Variants in NUMA1 observed in about 807,000 individuals in gnomAD.
NUMA1 encodes the protein SP-H antigen.
In NUMA1, 62 loss-of-function variants were observed where a neutral mutation model predicts 237.1. That is an observed-to-expected ratio of 0.26 (90% CI 0.21 to 0.32). The LOEUF (loss-of-function observed/expected upper bound fraction) is 0.32. NUMA1 is among the 10% of genes least tolerant of loss of function. The pLI is 1.00. For missense variants in NUMA1, 2,533 were observed against 2,666.5 expected, an observed-to-expected ratio of 0.95 and a Z score of 1.10; for synonymous variants, 1,028 against 1,066.1, an observed-to-expected ratio of 0.96 and a Z score of 0.70.
intron 2 of NUMA1, among the ~76,000 whole-genome samples, chr11:72,043,133 T>C (rs1024306565): frequency 6.6e-6 from 1 of 151,448 alleles, no homozygotes; most frequent in Non-Finnish European, 1.5e-5. Flanking sequence ...GGGAGGAAAG[T>C]ATGAGGGATG....
chr11:72,043,507 G>A (rs1444845910), intron 2 of NUMA1, among the ~76,000 whole-genome samples: 2 of 148,164 alleles, frequency 1.3e-5, no homozygotes, highest in East Asian at 4.0e-4. Flanking sequence ...GAGTACAGGT[G>A]TGTGCCACCA....
intron 3 of NUMA1, among the ~76,000 whole-genome samples, chr11:72,033,906 G>A (rs1260923357): frequency 6.6e-6 from 1 of 151,942 alleles, no homozygotes; most frequent in Non-Finnish European, 1.5e-5. Flanking sequence ...TAAAATTGAG[G>A]TCAGAAGTTT....
Position 72,015,415 on chromosome 11 carries a change from C to T in NUMA1, c.2088G>A (p.Glu696=), listed in dbSNP as rs751948819. Residue 696 remains glutamate, a synonymous_variant, in exon 15 of 27, where the codon GAG becomes GAA. Transcript: ENST00000393695. The surrounding 1 kb of genome is among the most constrained non-coding windows in gnomAD (Gnocchi z 4.0). ...GGAGCTGCTCCTGGAGCTGGTCCTT[C>T]TCCTGGGCCACCCTTTCTTTCTCAG... is the stretch of plus-strand genomic sequence containing the variant. ...KATEKERVAQ[E]KDQLQEQLQA... is the part of the protein sequence containing the mutation. 51 of 1,611,780 alleles carry T rather than the reference C, an allele frequency of 3.2e-5. No individual in the cohort carries two copies. The South Asian group carries it at 5.2e-4, about 16-fold the overall frequency.
rs763587453 is a variant in NUMA1 at position 72,022,396 on chromosome 11, G to A, written c.315C>T (p.His105=). Reference sequence around the variant, plus strand: ...TGGGACTTTTGGAGCTCATGGTAGAGTGGTATAAGAGCAGCATGGTCATCT... The same window carrying A: ...TGGGACTTTTGGAGCTCATGGTAGAATGGTATAAGAGCAGCATGGTCATCT... ...LAKMTMLLLY[H]STMSSKSPRD... is the part of the protein sequence containing the mutation. The change falls in exon 7 of 27, where the codon CAC becomes CAT. Residue 105 remains histidine, a synonymous_variant. Coordinates refer to ENST00000393695, the MANE Select transcript of NUMA1 (RefSeq NM_006185.4). 8.1e-6 allele frequency: 13 copies of A among 1,613,638 alleles called. No individual in the cohort carries two copies. Among genetic ancestry groups the A allele is most frequent in the Non-Finnish European group, 1.0e-5 (12 of 1,179,722 alleles).
intron 1 of NUMA1, among the ~76,000 whole-genome samples, chr11:72,073,946 C>T (rs1943583608): frequency 6.6e-6 from 1 of 151,996 alleles, no homozygotes; most frequent in African/African-American, 2.4e-5. Flanking sequence ...AATCCCAGCA[C>T]TTTGGGAGGC....
intron 23 of NUMA1, 61 bp from the exon 24 acceptor site, chr11:72,004,877 G>A: frequency 1.4e-6 from 2 of 1,473,542 alleles, no homozygotes; most frequent in South Asian, 1.4e-5. Flanking sequence ...GGAGGACCTG[G>A]GGCTGTCCCA....
At chr11:72,074,985 G>A (rs988029965) in intron 1 of NUMA1, among the ~76,000 whole-genome samples, 2 of 152,090 alleles carry the variant, frequency 1.3e-5, no homozygotes, top group Admixed American at 6.5e-5. Flanking sequence ...AGTGAGCCAA[G>A]ACTGTGCAAT....
At chr11:72,035,631 G>T (rs528786936) in intron 3 of NUMA1, among the ~76,000 whole-genome samples, 1 of 152,004 alleles carries the variant, frequency 6.6e-6, no homozygotes, top group African/African-American at 2.4e-5. Flanking sequence ...GGCTGGTCTC[G>T]AACTCCTGAC....
intron 20 of NUMA1, 180 bp from the exon 21 acceptor site, chr11:72,007,615 C>T (rs1955831120): frequency 2.7e-6 from 2 of 727,718 alleles, no homozygotes; most frequent in South Asian, 1.6e-5. Context: ...TTTCAGTCCA[C>T]TCCCCTGGCT....
rs1955807673 is a variant in NUMA1 at position 72,007,398 on chromosome 11, G to A, written c.5254C>T (p.Pro1752Ser). The change falls in exon 21 of 27, where the codon CCT becomes TCT. Residue 1752 changes from proline to serine, a missense_variant. Physicochemically the swap from Pro to Ser is moderately conservative, Grantham distance 74 (BLOSUM62 -1). Around this residue, in one of 3 missense-constraint regions of NUMA1, gnomAD observed 795 missense variants for 750.8 expected, o/e 1.06. Transcript: ENST00000393695. ...PRTQPDGTSV[P>S]GEPASPISQR... ...GAGATAGGTGAGGCTGGTTCTCCAG[G>A]GACGCTGGTGCCGTCTGGCTGGGTA... is the stretch of plus-strand genomic sequence containing the variant. The A allele has an allele frequency of 6.2e-7, 1 of 1,613,820 alleles. No individual in the cohort carries two copies.
At chr11:72,008,226 C>CT in intron 20 of NUMA1, 1 of 425,968 alleles carries the variant, frequency 2.3e-6, no homozygotes, top group Non-Finnish European at 4.6e-6. Context: ...TTAGAATAAT[C>CT]TTTTTAAGAT....
intron 2 of NUMA1, chr11:72,040,697 A>C (rs1326870196): frequency 1.3e-5 from 2 of 152,228 alleles, no homozygotes; most frequent in Non-Finnish European, 2.9e-5. Flanking sequence ...CTGAACAAAA[A>C]CATGCTGACA....
At chr11:72,030,879 C>T (rs1176381462) in intron 3 of NUMA1, among the ~76,000 whole-genome samples, 1 of 152,216 alleles carries the variant, frequency 6.6e-6, no homozygotes, top group African/African-American at 2.4e-5. Context: ...TTGTTACAAA[C>T]TTTATTTCTC....
In NUMA1 at chr11:72,013,132, C is replaced by T. The variant is rs1216615438; in HGVS notation, c.4371G>A (p.Arg1457=). The change falls in exon 15 of 27, where the codon CGG becomes CGA. Residue 1457 remains arginine, a synonymous_variant. Transcript: ENST00000393695. This position sits in a 1 kb window ranked among gnomAD's most constrained non-coding sequence, Gnocchi z 6.8. ...CCAGAAACTGCCGGCCAAGGTTGGC[C>T]CGCTCACCCAGCCCCCGGTTCTCCT... ...LAEENRGLGE[R]ANLGRQFLEV... is the part of the protein sequence containing the mutation. 6.2e-7 allele frequency: 1 copy of T among 1,614,186 alleles called. No individual in the cohort carries two copies. The highest frequency in any genetic ancestry group is 1.7e-5 in the Admixed American group (1 of 60,028).
chr11:72,005,591 C>T (rs991987004), intron 22 of NUMA1: 10 of 551,000 alleles, frequency 1.8e-5, no homozygotes, highest in South Asian at 1.0e-4. Flanking sequence ...AGAGGTCACA[C>T]GCAGAGACTG....
At chr11:72,055,395 G>A (rs1018971839) in intron 2 of NUMA1, among the ~76,000 whole-genome samples, 2 of 152,086 alleles carry the variant, frequency 1.3e-5, no homozygotes, top group African/African-American at 4.8e-5. Context: ...ACCGGGCCAC[G>A]ATGTAACCAC....
chr11:72,013,327 A>C lies in NUMA1; in HGVS notation c.4176T>G (p.Ala1392=). ...REELEQSKQA[A]GGLRAELLRA... ...GCAGCAGCTCTGCCCGCAGTCCCCC[A>C]GCGGCCTGCTTGCTCTGCTCCAGCT... The change falls in exon 15 of 27, where the codon GCT becomes GCG. Residue 1392 remains alanine, a synonymous_variant. Transcript: ENST00000393695. The surrounding 1 kb of genome is among the most constrained non-coding windows in gnomAD (Gnocchi z 6.8). 1 of 1,606,016 alleles carries C rather than the reference A, an allele frequency of 6.2e-7. No individual in the cohort carries two copies. Among genetic ancestry groups the C allele is most frequent in the Non-Finnish European group, 8.5e-7 (1 of 1,179,678 alleles).
intron 21 of NUMA1, 126 bp from the exon 22 acceptor site, chr11:72,006,389 CT>C: frequency 1.3e-6 from 1 of 754,146 alleles, no homozygotes; most frequent in South Asian, 1.9e-5. Flanking sequence ...TGCAAAGGTC[CT>C]TAAAGTGTGT....
At chr11:72,060,228 C>T (rs1441052928) in intron 2 of NUMA1, among the ~76,000 whole-genome samples, 1 of 152,188 alleles carries the variant, frequency 6.6e-6, no homozygotes, top group Admixed American at 6.5e-5. Flanking sequence ...AACGTAGCCA[C>T]GCCCATTCAT....
Sources: allele counts gnomAD v4.1 joint callset (sites outside exome capture counted in the v4.1 genomes callset), GRCh38; gene constraint gnomAD v4.1.1; regional missense constraint gnomAD v4.1.1; non-coding constraint Gnocchi (gnomAD v3.1); transcripts MANE v1.5; gene names NCBI Gene and HGNC (gene_info 2026-07-23, HGNC 2026-07-21).